Variants in COPG1 observed in about 807,000 individuals in gnomAD.
The protein encoded by COPG1 is coat protein complex I subunit gamma 1.
A neutral mutation model predicts 102.8 loss-of-function variants in COPG1; 29 were observed. The ratio of observed to expected loss-of-function variants is 0.28; its 90% CI spans 0.21 to 0.38. COPG1 has a LOEUF of 0.38. Ranked by LOEUF, COPG1 falls within the 10% of genes least tolerant of loss-of-function variation. The pLI, the probability that COPG1 is intolerant of heterozygous loss-of-function variation, is 1.00. For synonymous variants in COPG1, 406 were observed against 421.6 expected (o/e 0.96, Z 0.45); for missense variants, 875 against 1,132.7 (o/e 0.77, Z 3.27).
At position 129,271,685 on chromosome 3, in the gene COPG1, T is replaced by C; in HGVS notation, c.1844-82T>C. 1 of 1,549,942 alleles carries C rather than the reference T, an allele frequency of 6.5e-7. No individual in the cohort carries two copies. The highest frequency in any genetic ancestry group is 8.8e-7 in the Non-Finnish European group (1 of 1,135,082). On this transcript the variant is annotated intron_variant, in intron 18 of 23. Transcript: ENST00000314797. The surrounding 1 kb of genome is among the most constrained non-coding windows in gnomAD (Gnocchi z 4.7). The stretch of plus-strand genomic sequence containing the variant: ...AAGGTAGGGTGGAACACCTTGAGAA[T>C]GGTCATGGGAATTTATTAGAAACCA...
chr3:129,258,830 C>G (rs1939865978), intron 10 of COPG1, among the ~76,000 whole-genome samples: 1 of 152,184 alleles, frequency 6.6e-6, no homozygotes, highest in African/African-American at 2.4e-5. Flanking sequence ...GTGCAGGGCC[C>G]TGCTCTGGGT....
intron 12 of COPG1, among the ~76,000 whole-genome samples, chr3:129,262,759 C>G (rs1939950955): frequency 6.6e-6 from 1 of 151,044 alleles, no homozygotes; most frequent in Non-Finnish European, 1.5e-5. Flanking sequence ...GTGGCTTATG[C>G]CTGTAATCAC....
chr3:129,250,767 C>T, intron 2 of COPG1, 33 bp downstream of exon 2: 1 of 1,567,420 alleles, frequency 6.4e-7, no homozygotes, highest in Non-Finnish European at 8.8e-7. Context: ...TAGCTTCCAT[C>T]ATAAATATTC....
Position 129,260,718 on chromosome 3 carries a change from AC to A in COPG1, c.1042del (p.Leu348SerfsTer14). 6.2e-7 allele frequency: 1 copy of A among 1,613,416 alleles called. No homozygotes were observed. Among genetic ancestry groups the A allele is most frequent in the Non-Finnish European group, 8.5e-7 (1 of 1,179,984 alleles). On this transcript the variant is annotated frameshift_variant, in exon 12 of 24. Transcript: ENST00000314797. LOFTEE classifies it high-confidence loss of function. The part of the protein sequence containing the change: ...NRSIATLAIT[T>X]LLKTGSESSI... ...CAGCATTGCCACGCTGGCCATCACC[AC>A]CCTCCTTAAGACGGGCAGCGAGAGC...
chr3:129,265,745 G>A lies in COPG1; in HGVS notation c.1421G>A (p.Arg474His), dbSNP rs765092248. 1.4e-5 allele frequency: 23 copies of A among 1,613,990 alleles called. No homozygotes were observed. The highest frequency in any genetic ancestry group is 1.1e-4 in the South Asian group (10 of 91,080). ...ACCACCAATCCCTCAAAGTACATCC[G>A]CTTCATCTATAACCGAGTGGTCTTG... ...PKTTNPSKYI[R>H]FIYNRVVLEH... Residue 474 changes from arginine (R) to histidine (H), a missense_variant, in exon 14 of 24, where the codon CGC becomes CAC. Coordinates refer to ENST00000314797, the MANE Select transcript of COPG1 (RefSeq NM_016128.4).
intron 14 of COPG1, 139 bp downstream of exon 14, chr3:129,265,931 C>T: frequency 1.2e-6 from 1 of 810,566 alleles, no homozygotes; most frequent in Non-Finnish European, 1.9e-6. Context: ...ATATTGTAGG[C>T]AGGACCTTAC....
In COPG1 at chr3:129,249,662, G is replaced by T; in HGVS notation, c.-48G>T. 1 of 1,549,048 alleles carries T rather than the reference G, an allele frequency of 6.5e-7. No homozygotes were observed. Among genetic ancestry groups the T allele is most frequent in the Non-Finnish European group, 8.7e-7 (1 of 1,145,802 alleles). Reference sequence around the variant, plus strand: ...CACTGTGGCACCGCTACTCCGTGCCGCGCCCGTCGAGCATTGCGTTGCTGC... The same window carrying T: ...CACTGTGGCACCGCTACTCCGTGCCTCGCCCGTCGAGCATTGCGTTGCTGC... On this transcript the variant is annotated 5_prime_UTR_variant, in exon 1 of 24. Transcript: ENST00000314797.
At position 129,271,671 on chromosome 3, in the gene COPG1, G is replaced by C; in HGVS notation, c.1844-96G>C. On this transcript the variant is annotated intron_variant, in intron 18 of 23. Transcript: ENST00000314797. The surrounding 1 kb of genome is among the most constrained non-coding windows in gnomAD (Gnocchi z 4.7). ...ATATCTATCCATCTAAGGTAGGGTG[G>C]AACACCTTGAGAATGGTCATGGGAA... The C allele has an allele frequency of 6.8e-7, 1 of 1,473,286 alleles. No individual in the cohort carries two copies. The highest frequency in any genetic ancestry group is 2.3e-5 in the East Asian group (1 of 44,002). The allele number at this position is 1,473,286 out of a possible 1,614,324, so 91.3% of individuals were successfully genotyped here. A position where few individuals can be genotyped will look rare whatever the true frequency, so the allele number is the denominator to read the frequency against.
At chr3:129,259,547 C>T (rs1014283854) in intron 10 of COPG1, among the ~76,000 whole-genome samples, 2 of 151,874 alleles carry the variant, frequency 1.3e-5, no homozygotes, top group African/African-American at 2.4e-5. Flanking sequence ...ATTATATCCC[C>T]CATATTTCCA....
chr3:129,272,428 C>A lies in COPG1; in HGVS notation c.2158+13C>A, dbSNP rs1365581466. 1.2e-6 allele frequency: 2 copies of A among 1,607,914 alleles called. No homozygotes were observed. The highest frequency in any genetic ancestry group is 1.1e-5 in the South Asian group (1 of 90,350). On this transcript the variant is annotated intron_variant, in intron 20 of 23. Coordinates refer to ENST00000314797, the MANE Select transcript of COPG1 (RefSeq NM_016128.4). ...GACCCCACAGCTGGTGAGCCCCTCTCCAGATACCACCCTATCCTCCTGGGA... is the reference window on the plus strand; with the variant it reads ...GACCCCACAGCTGGTGAGCCCCTCTACAGATACCACCCTATCCTCCTGGGA...
At position 129,265,484 on chromosome 3, in the gene COPG1, G is replaced by T. The variant is rs952684601; in HGVS notation, c.1225-65G>T. On this transcript the variant is annotated intron_variant, in intron 13 of 23. Transcript: ENST00000314797. ...TGTTTGGACAACTGTCCTTGGTCCA[G>T]CTCAGGTCTTCAACTCTTTTCTGGA... 4.4e-6 allele frequency: 7 copies of T among 1,581,516 alleles called. No homozygotes were observed. The African/African-American group carries it at 8.1e-5, about 18-fold the overall frequency.
At chr3:129,268,456 C>T (rs545552926) in intron 16 of COPG1, 39 bp from the exon 17 acceptor site, 2 of 1,608,408 alleles carry the variant, frequency 1.2e-6, no homozygotes, top group Admixed American at 1.7e-5. Flanking sequence ...GCACATTTTG[C>T]TCTATCTGCC....
chr3:129,276,646 C>T (rs146184378), intron 23 of COPG1, among the ~76,000 whole-genome samples: 63 of 152,244 alleles, frequency 4.1e-4, no homozygotes, highest in African/African-American at 1.4e-3. Flanking sequence ...CGTGGTGGGG[C>T]TGTCCCCTTC....
rs1448285150 is a variant in COPG1, at chr3:129,267,849, A to G, written c.1545-88A>G. The G allele has an allele frequency of 7.9e-6, 8 of 1,007,660 alleles. No homozygotes were observed. The East Asian group carries it at 1.7e-4, about 22-fold the overall frequency. The allele number at this position is 1,007,660 out of a possible 1,614,324, so 62.4% of individuals were successfully genotyped here. On this transcript the variant is annotated intron_variant, in intron 15 of 23. Coordinates refer to ENST00000314797, the MANE Select transcript of COPG1 (RefSeq NM_016128.4). ...CACCACTAGTCTACTTGTTATCCCT[A>G]TGGACTTACCTCTAATGAAGCCATG...
intron 10 of COPG1, 128 bp downstream of exon 10, chr3:129,257,988 A>G: frequency 8.4e-7 from 1 of 1,196,772 alleles, no homozygotes; most frequent in Non-Finnish European, 1.2e-6. Context: ...CCTAGGAAGC[A>G]CCTGCCCCAG....
At position 129,275,232 on chromosome 3, in the gene COPG1, C is replaced by G. The variant is rs145582621; in HGVS notation, c.2434C>G (p.Pro812Ala). The change falls in exon 23 of 24, where the codon CCT (proline) becomes GCT (alanine). Residue 812 changes from proline (P) to alanine (A), a missense_variant. By Grantham distance (27) the Pro-to-Ala change is conservative. Coordinates refer to ENST00000314797, the MANE Select transcript of COPG1 (RefSeq NM_016128.4). This position sits in a 1 kb window ranked among gnomAD's most constrained non-coding sequence, Gnocchi z 5.0. ...GNIVKFLGMH[P>A]CERSDKVPDN... ...TATTGTGAAGTTCTTGGGAATGCAC[C>G]CTTGTGAGAGGTCAGACAAAGTGCC... The G allele has an allele frequency of 1.2e-6, 2 of 1,613,900 alleles. No homozygotes were observed. Among genetic ancestry groups the G allele is most frequent in the African/African-American group, 1.3e-5 (1 of 74,860 alleles).
Position 129,260,383 on chromosome 3 carries a change from G to A in COPG1, c.922G>A (p.Val308Ile), listed in dbSNP as rs775881986. ...CAAGGCTGCTCTCCGCTATGCTGCT[G>A]TTCGTACCCTCAATAAGGTAAGAGT... is the stretch of plus-strand genomic sequence containing the variant. ...SPKAALRYAA[V>I]RTLNKVAMKH... Residue 308 changes from valine to isoleucine, a missense_variant, in exon 11 of 24, where the codon GTT becomes ATT. Physicochemically the swap from Val to Ile is conservative, Grantham distance 29. Transcript: ENST00000314797. 8.7e-6 allele frequency: 14 copies of A among 1,614,028 alleles called. No homozygotes were observed. The East Asian group carries it at 3.1e-4, about 36-fold the overall frequency.
intron 21 of COPG1, chr3:129,274,200 A>C (rs1940228330): frequency 2.3e-6 from 1 of 432,230 alleles, no homozygotes. Context: ...AAAAAAAAAG[A>C]GAGAGAGAGC....
In COPG1 at chr3:129,268,954, C is replaced by T; in HGVS notation, c.1797C>T (p.Val599=). 6.2e-7 allele frequency: 1 copy of T among 1,614,136 alleles called. No homozygotes were observed. The highest frequency in any genetic ancestry group is 8.5e-7 in the Non-Finnish European group (1 of 1,180,018). ...QRTESTPITA[V]KQPEKVAATR... ...CAGAAAGTACCCCCATCACAGCAGT[C>T]AAACAGCCTGAGAAAGTGGCAGCTA... is the stretch of plus-strand genomic sequence containing the variant. The change falls in exon 18 of 24, where the codon GTC becomes GTT. Residue 599 remains valine, a synonymous_variant. Coordinates refer to ENST00000314797, the MANE Select transcript of COPG1 (RefSeq NM_016128.4).
Sources: gnomAD v4.1 joint callset for allele counts (sites outside exome capture counted in the v4.1 genomes callset) on GRCh38, gnomAD v4.1.1 for gene constraint, Gnocchi (gnomAD v3.1) non-coding constraint, MANE v1.5 for transcripts, NCBI Gene and HGNC (gene_info 2026-07-23, HGNC 2026-07-21) for gene names.